The following ATXN7 variants were observed in gnomAD, a reference collection of about 807,000 sequenced individuals.
The protein encoded by ATXN7 is ataxin 7.
In ATXN7, 12 loss-of-function variants were observed where a neutral mutation model predicts 70.5. The observed-to-expected ratio is 0.17, with a 90% CI of 0.11 to 0.28. ATXN7 has a LOEUF of 0.28. Among genes scored for constraint, ATXN7 ranks in the 10% least tolerant of loss-of-function variants. The pLI, the probability that ATXN7 is intolerant of heterozygous loss-of-function variation, is 1.00. For synonymous variants in ATXN7, 498 were observed against 448.7 expected (o/e 1.11, Z -1.39); for missense variants, 1,256 against 1,131.7 (o/e 1.11, Z -1.58).
At chr3:63,954,147 A>G (rs563643015) in intron 5 of ATXN7, among the ~76,000 whole-genome samples, 1 of 152,318 alleles carries the variant, frequency 6.6e-6, no homozygotes, top group Admixed American at 6.5e-5. Context: ...ACAGAGGTGG[A>G]TAAGATGTCA....
chr3:63,931,218 C>T (rs946438263), intron 4 of ATXN7, among the ~76,000 whole-genome samples: 8 of 152,054 alleles, frequency 5.3e-5, no homozygotes, highest in Non-Finnish European at 1.0e-4. Flanking sequence ...GGATTATAGG[C>T]GTGAGCCACC....
Position 63,990,247 on chromosome 3 carries a change from A to T in ATXN7, c.1433A>T (p.His478Leu). The T allele has an allele frequency of 1.2e-6, 2 of 1,608,592 alleles. No individual in the cohort carries two copies. Among genetic ancestry groups the T allele is most frequent in the Non-Finnish European group, 1.7e-6 (2 of 1,178,170 alleles). ...CCTCCTCCAGTCCATGAATCTCCAC[A>T]CCCTCCCCTGCCTGCCACTGAGCCA... ...IDPPPVHESP[H>L]PPLPATEPAS... Residue 478 changes from histidine to leucine, a missense_variant, in exon 10 of 13, where the codon CAC becomes CTC. Transcript: ENST00000674280.
chr3:63,988,507 G>T lies in ATXN7; in HGVS notation c.1361+183G>T, dbSNP rs2075615185. 2.0e-5 allele frequency: 16 copies of T among 783,302 alleles called. No individual in the cohort carries two copies. In the South Asian group the frequency reaches 2.7e-4, roughly 13 times the overall value. 48.5% of individuals were successfully genotyped at this position (783,302 alleles called of 1,614,324 possible). A position where few individuals can be genotyped will look rare whatever the true frequency, so the allele number is the denominator to read the frequency against. On this transcript the variant is annotated intron_variant, in intron 9 of 12. Transcript: ENST00000674280. ...TTGAGTTCAGTAAGTTTCAACCAGG[G>T]CTCCTCTTGGTTGTAAATGCAAGCA...
At chr3:63,978,270 A>T (rs1034062719) in intron 5 of ATXN7, among the ~76,000 whole-genome samples, 4 of 152,212 alleles carry the variant, frequency 2.6e-5, no homozygotes, top group African/African-American at 9.6e-5. Context: ...GTTGACAGCC[A>T]CTGGTCTAGG....
intron 6 of ATXN7, chr3:63,980,761 A>G (rs2075472700): frequency 1.3e-5 from 2 of 153,164 alleles, no homozygotes; most frequent in South Asian, 4.1e-4. Context: ...GGATAATAGT[A>G]ATGATAAAAA....
At chr3:63,990,514 C>G in intron 10 of ATXN7, 140 bp downstream of exon 10, 2 of 1,214,742 alleles carry the variant, frequency 1.6e-6, no homozygotes, top group Non-Finnish European at 1.2e-6. Context: ...AACAGGGTGC[C>G]CCAGAGGCAG....
intron 5 of ATXN7, among the ~76,000 whole-genome samples, chr3:63,962,880 T>C (rs2075154263): frequency 2.6e-5 from 4 of 152,060 alleles, no homozygotes; most frequent in South Asian, 4.2e-4. Flanking sequence ...GATACACTTG[T>C]TTGATGTAAT....
At position 63,996,259 on chromosome 3, in the gene ATXN7, G is replaced by A. The variant is rs1559663395; in HGVS notation, c.2437G>A (p.Glu813Lys). 1 of 1,614,134 alleles carries A rather than the reference G, an allele frequency of 6.2e-7. No homozygotes were observed. Among genetic ancestry groups the A allele is most frequent in the Non-Finnish European group, 8.5e-7 (1 of 1,180,034 alleles). The change falls in exon 12 of 13, where the codon GAA becomes AAA. Residue 813 changes from glutamate to lysine, a missense_variant. Coordinates refer to ENST00000674280, the MANE Select transcript of ATXN7 (RefSeq NM_001377405.1). ...TGGGCCATTCATTCACCAGTCCAAT[G>A]AACTGCCTGTCAACTCCCACGGCAG... ...SLGPFIHQSN[E>K]LPVNSHGSFS...
chr3:63,985,583 G>A (rs1158090733), intron 8 of ATXN7, among the ~76,000 whole-genome samples: 1 of 152,188 alleles, frequency 6.6e-6, no homozygotes, highest in Non-Finnish European at 1.5e-5. Context: ...GTTGCTGCCA[G>A]GTCTCTTCTG....
intron 5 of ATXN7, among the ~76,000 whole-genome samples, chr3:63,955,716 G>T (rs575185515): frequency 6.6e-6 from 1 of 152,134 alleles, no homozygotes; most frequent in African/African-American, 2.4e-5. Context: ...GTCTATTTAC[G>T]TGCCAAAAGA....
At chr3:63,910,440 A>G (rs1703972800) in intron 2 of ATXN7, among the ~76,000 whole-genome samples, 1 of 152,234 alleles carries the variant, frequency 6.6e-6, no homozygotes, top group Non-Finnish European at 1.5e-5. Context: ...GAATTTCACA[A>G]TTCCAAGTAA....
Position 63,952,835 on chromosome 3 carries a change from C to CTTTTTTTTTTTTT in ATXN7, c.499+371_499+383dup, listed in dbSNP as rs59256288. ...ACACTCACAATATGGATGCATGGGCCTTTTTTTTTTTTTTTTTTTTTTTTT... is the reference window on the plus strand; with the variant it reads ...ACACTCACAATATGGATGCATGGGCCTTTTTTTTTTTTTTTTTTTTTTTTTTTTTTTTTTTTTT... On this transcript the variant is annotated intron_variant, in intron 5 of 12. Transcript: ENST00000674280. Among the ~76,000 whole-genome samples, 36 of 49,162 alleles carry CTTTTTTTTTTTTT rather than the reference C, an allele frequency of 7.3e-4. 4 individuals are homozygous for CTTTTTTTTTTTTT. Among genetic ancestry groups the CTTTTTTTTTTTTT allele is most frequent in the African/African-American group, 2.8e-3 (27 of 9,806 alleles). The allele number at this position is 49,162 out of a possible 152,430, so 32.3% of individuals were successfully genotyped here.
At chr3:63,865,994 G>A (rs994909123) in intron 1 of ATXN7, among the ~76,000 whole-genome samples, 3 of 138,386 alleles carry the variant, frequency 2.2e-5, no homozygotes, top group Admixed American at 1.5e-4. Context: ...TACTGATTTT[G>A]AAACAGTGTC....
intron 5 of ATXN7, among the ~76,000 whole-genome samples, chr3:63,976,686 G>C (rs1023716453): frequency 1.3e-5 from 2 of 152,252 alleles, no homozygotes; most frequent in East Asian, 3.9e-4. Flanking sequence ...AAAATTGAAA[G>C]GACAAGCTTA....
chr3:63,969,860 T>C (rs759123245), intron 5 of ATXN7, among the ~76,000 whole-genome samples: 3 of 152,232 alleles, frequency 2.0e-5, no homozygotes, highest in Non-Finnish European at 4.4e-5. Flanking sequence ...TGGTGGATTT[T>C]CGTTTTGGCT....
intron 5 of ATXN7, among the ~76,000 whole-genome samples, chr3:63,975,184 T>A (rs1055671612): frequency 7.2e-5 from 11 of 152,222 alleles, no homozygotes; most frequent in Admixed American, 4.6e-4. Context: ...ACTGAAGATA[T>A]TTAATTCAGG....
chr3:63,865,048 C>G (rs1337972143), intron 1 of ATXN7: 1 of 152,096 alleles, frequency 6.6e-6, no homozygotes, highest in Non-Finnish European at 1.5e-5. Flanking sequence ...TTTCCTGTCC[C>G]CCAAGTAGAT....
At chr3:63,903,974 C>T (rs1703742951) in intron 2 of ATXN7, 1 of 152,202 alleles carries the variant, frequency 6.6e-6, no homozygotes, top group Non-Finnish European at 1.5e-5. Context: ...TTAAACTGTA[C>T]ATTTAATGGT....
intron 5 of ATXN7, among the ~76,000 whole-genome samples, chr3:63,957,389 G>A (rs2075057909): frequency 1.3e-5 from 2 of 152,274 alleles, no homozygotes; most frequent in African/African-American, 2.4e-5. Context: ...GGTTGGAGCA[G>A]CCACTTTTTC....
Sources: gnomAD v4.1 joint callset for allele counts (sites outside exome capture counted in the v4.1 genomes callset) on GRCh38, gnomAD v4.1.1 for gene constraint, MANE v1.5 for transcripts, NCBI Gene and HGNC (gene_info 2026-07-23, HGNC 2026-07-21) for gene names.